Variants in NAPEPLD observed in about 807,000 individuals in gnomAD.
NAPEPLD encodes N-acyl-phosphatidylethanolamine-hydrolyzing phospholipase D.
NAPEPLD carries 23 observed loss-of-function variants against 38.1 expected under a neutral mutation model. That is an observed-to-expected ratio of 0.60 (90% CI 0.43 to 0.86). The LOEUF is 0.86. Ranked by LOEUF, NAPEPLD falls within the 40% of genes least tolerant of loss-of-function variation. The pLI is 0.00. For synonymous variants in NAPEPLD, 147 were observed against 162.0 expected (o/e 0.91, Z 0.71); for missense variants, 411 against 476.8 (o/e 0.86, Z 1.28).
At position 103,103,250 on chromosome 7, in the gene NAPEPLD, A is replaced by T; in HGVS notation, c.*179T>A. ...ATGACCCACCCCTGAACCCTCTCAT[A>T]GTGTACATGAGCTGATCATACTAGG... On this transcript the variant is annotated 3_prime_UTR_variant, in exon 5 of 5. Transcript: ENST00000465647. 1 of 585,894 alleles carries T rather than the reference A, an allele frequency of 1.7e-6. No homozygotes were observed. The highest frequency in any genetic ancestry group is 2.8e-6 in the Non-Finnish European group (1 of 362,414). The allele number at this position is 585,894 out of a possible 1,614,324, so 36.3% of individuals were successfully genotyped here.
chr7:103,112,073 TTAGAA>T (rs1338723458), intron 4 of NAPEPLD, among the ~76,000 whole-genome samples: 2 of 152,012 alleles, frequency 1.3e-5, no homozygotes, highest in African/African-American at 4.8e-5. Flanking sequence ...CTTATGCCAG[TTAGAA>T]TGGTGATCAT....
chr7:103,149,842 A>G (rs2129538519), upstream of NAPEPLD, among the ~76,000 whole-genome samples: 1 of 152,348 alleles, frequency 6.6e-6, no homozygotes, highest in East Asian at 1.9e-4. Context: ...AGCCAACTCA[A>G]TCACAGTCGA....
At chr7:103,149,415 GC>G, upstream of NAPEPLD, 1 of 1,232,278 alleles carries the variant, frequency 8.1e-7, no homozygotes. Flanking sequence ...ACCCGAGCCC[GC>G]CGCGCTGGCT....
At chr7:103,137,501 T>C (rs558178441) in intron 1 of NAPEPLD, among the ~76,000 whole-genome samples, 92 of 152,342 alleles carry the variant, frequency 6.0e-4, no homozygotes, top group African/African-American at 2.1e-3. Context: ...AATTAAAATA[T>C]CATGTTACGG....
At chr7:103,148,672 C>T (rs1813108407) in intron 1 of NAPEPLD, 139 bp downstream of exon 1, 1 of 438,832 alleles carries the variant, frequency 2.3e-6, no homozygotes, top group Non-Finnish European at 3.0e-6. Flanking sequence ...AATAAGTACA[C>T]TTATTCCAAA....
At chr7:103,147,697 T>C (rs1812854412) in intron 1 of NAPEPLD, among the ~76,000 whole-genome samples, 1 of 152,228 alleles carries the variant, frequency 6.6e-6, no homozygotes, top group Admixed American at 6.5e-5. Context: ...CATATAGTTA[T>C]AACTGGACTA....
intron 1 of NAPEPLD, among the ~76,000 whole-genome samples, chr7:103,136,218 G>A (rs1433109270): frequency 6.6e-6 from 1 of 151,698 alleles, no homozygotes; most frequent in African/African-American, 2.4e-5. Context: ...AGTGGGCTGA[G>A]ATCATGCCAC....
chr7:103,102,541 T>C lies in NAPEPLD; in HGVS notation c.*888A>G, dbSNP rs1331092665. 6.7e-6 allele frequency: 1 copy of C among 149,038 alleles called. No individual in the cohort carries two copies. The highest frequency in any genetic ancestry group is 2.5e-5 in the African/African-American group (1 of 40,200). The allele number at this position is 149,038 out of a possible 1,614,324, so 9.2% of individuals were successfully genotyped here. A position where few individuals can be genotyped will look rare whatever the true frequency, so the allele number is the denominator to read the frequency against. ...TTTTTTTTCCGAGAGAGACGGGAGG[T>C]CACCATGTTGCCCAGGTTGATGTCA... On this transcript the variant is annotated 3_prime_UTR_variant, in exon 5 of 5. Transcript: ENST00000465647.
intron 3 of NAPEPLD, among the ~76,000 whole-genome samples, chr7:103,118,764 C>G (rs1158151905): frequency 6.6e-6 from 1 of 152,204 alleles, no homozygotes; most frequent in Admixed American, 6.5e-5. Context: ...AATCACTTCT[C>G]TTTTCCCTAA....
intron 3 of NAPEPLD, among the ~76,000 whole-genome samples, chr7:103,118,412 C>T (rs562551557): frequency 1.3e-5 from 2 of 151,856 alleles, no homozygotes; most frequent in Non-Finnish European, 2.9e-5. Flanking sequence ...AATATCTAGC[C>T]CCTCCAAATA....
intron 1 of NAPEPLD, among the ~76,000 whole-genome samples, chr7:103,143,193 C>T (rs1811837928): frequency 6.6e-6 from 1 of 152,148 alleles, no homozygotes; most frequent in Admixed American, 6.5e-5. Flanking sequence ...TGCCACTGCA[C>T]TCCAGCCTGG....
intron 3 of NAPEPLD, among the ~76,000 whole-genome samples, chr7:103,118,062 G>A (rs200684397): frequency 1.3e-5 from 2 of 152,062 alleles, no homozygotes; most frequent in African/African-American, 2.4e-5. Context: ...GGTGGCAGGC[G>A]CCTGTAGTCC....
At chr7:103,127,177 A>C (rs1198714799) in intron 2 of NAPEPLD, 1 of 152,206 alleles carries the variant, frequency 6.6e-6, no homozygotes, top group African/African-American at 2.4e-5. Flanking sequence ...GGCAATTTTC[A>C]GAACACTGGT....
chr7:103,120,267 A>C, intron 2 of NAPEPLD, 44 bp from the exon 3 acceptor site: 1 of 1,562,194 alleles, frequency 6.4e-7, no homozygotes. Context: ...GTTAGAAAAA[A>C]AAGTATTATA....
At chr7:103,145,194 C>T (rs563648777) in intron 1 of NAPEPLD, among the ~76,000 whole-genome samples, 6 of 152,058 alleles carry the variant, frequency 3.9e-5, no homozygotes, top group Non-Finnish European at 5.9e-5. Flanking sequence ...TGAAGGTATT[C>T]GGGTGGCTAA....
In NAPEPLD at chr7:103,120,134, T is replaced by C. The variant is rs1286182923; in HGVS notation, c.384A>G (p.Thr128=). 2 of 1,614,092 alleles carry C rather than the reference T, an allele frequency of 1.2e-6. No individual in the cohort carries two copies. The highest frequency in any genetic ancestry group is 1.7e-6 in the Non-Finnish European group (2 of 1,180,054). The change falls in exon 3 of 5, where the codon ACA becomes ACG. Residue 128 remains threonine (T), a synonymous_variant. Transcript: ENST00000465647. ...AGVREAGLRV[T]WLGHATVMVE... ...CCATTACCGTGGCATGTCCCAGCCATGTGACTCTTAAGCCAGCTTCCCTCA... is the reference window on the plus strand; with the variant it reads ...CCATTACCGTGGCATGTCCCAGCCACGTGACTCTTAAGCCAGCTTCCCTCA...
intron 1 of NAPEPLD, among the ~76,000 whole-genome samples, chr7:103,139,426 A>G (rs1338716641): frequency 1.3e-5 from 2 of 152,230 alleles, no homozygotes; most frequent in South Asian, 2.1e-4. Flanking sequence ...AGACTTTAGA[A>G]TAAGGCATTT....
intron 1 of NAPEPLD, among the ~76,000 whole-genome samples, chr7:103,142,251 C>T (rs1811566108): frequency 6.6e-6 from 1 of 152,126 alleles, no homozygotes; most frequent in Non-Finnish European, 1.5e-5. Context: ...GTTAGAGAGG[C>T]AGCATCATCC....
intron 4 of NAPEPLD, among the ~76,000 whole-genome samples, chr7:103,114,154 C>T (rs903128651): frequency 4.6e-5 from 7 of 152,168 alleles, no homozygotes; most frequent in Non-Finnish European, 8.8e-5. Context: ...GCCTCAGCCT[C>T]CCAAAGTGCT....
Sources: gnomAD v4.1 joint callset for allele counts (sites outside exome capture counted in the v4.1 genomes callset) on GRCh38, gnomAD v4.1.1 for gene constraint, MANE v1.5 for transcripts, NCBI Gene and HGNC (gene_info 2026-07-23, HGNC 2026-07-21) for gene names.